Variants in ELP4 observed in about 807,000 individuals in gnomAD.
The protein encoded by ELP4 is elongator acetyltransferase complex subunit 4, also known as elongator complex protein 4.
A neutral mutation model predicts 48.9 loss-of-function variants in ELP4; 51 were observed. That is an observed-to-expected ratio of 1.04 (90% confidence interval 0.83 to 1.32). The LOEUF (loss-of-function observed/expected upper bound fraction) is 1.32, where lower values mean the gene tolerates loss of function less well. Ranked by LOEUF, ELP4 falls within the 40% of genes most tolerant of loss-of-function variation. The pLI, the probability that ELP4 is intolerant of heterozygous loss-of-function variation, is 0.00. For synonymous variants in ELP4, 210 were observed against 189.2 expected (o/e 1.11, Z -0.90); for missense variants, 519 against 514.6 (o/e 1.01, Z -0.08).
chr11:31,774,203 C>A (rs1010674678), intron 9 of ELP4, among the ~76,000 whole-genome samples: 2 of 152,206 alleles, frequency 1.3e-5, no homozygotes, highest in African/African-American at 4.8e-5. Flanking sequence ...ACTTAACATT[C>A]TGGCCTCTCT....
chr11:31,707,330 C>T, intron 9 of ELP4: 1 of 249,886 alleles, frequency 4.0e-6, no homozygotes, highest in Non-Finnish European at 7.5e-6. Context: ...TAGTCAAAGA[C>T]CTCATTTTAC....
At chr11:31,680,853 G>A (rs1946037740) in intron 9 of ELP4, among the ~76,000 whole-genome samples, 1 of 152,136 alleles carries the variant, frequency 6.6e-6, no homozygotes, top group Non-Finnish European at 1.5e-5. Flanking sequence ...AAGCGATCAT[G>A]TTGAAATAAA....
intron 9 of ELP4, among the ~76,000 whole-genome samples, chr11:31,717,222 A>G (rs1946859818): frequency 6.6e-6 from 1 of 152,180 alleles, no homozygotes; most frequent in South Asian, 2.1e-4. Flanking sequence ...AAAGAAATGT[A>G]CATGTTTATT....
At chr11:31,642,479 C>T (rs1412210526) in intron 7 of ELP4, among the ~76,000 whole-genome samples, 2 of 151,708 alleles carry the variant, frequency 1.3e-5, no homozygotes, top group Non-Finnish European at 2.9e-5. Context: ...TTTTCACCAT[C>T]AAGGTTAGGA....
intron 9 of ELP4, chr11:31,652,956 G>T (rs1278663970): frequency 6.6e-6 from 1 of 151,508 alleles, no homozygotes; most frequent in Non-Finnish European, 1.5e-5. Context: ...CCCTTTATGT[G>T]TATGAAAACT....
At chr11:31,515,869 G>C (rs1956102334) in intron 1 of ELP4, among the ~76,000 whole-genome samples, 1 of 152,192 alleles carries the variant, frequency 6.6e-6, no homozygotes, top group African/African-American at 2.4e-5. Flanking sequence ...CCAGCACATT[G>C]GGAGGCCGAG....
intron 4 of ELP4, among the ~76,000 whole-genome samples, chr11:31,597,426 G>C (rs974718159): frequency 2.0e-5 from 3 of 152,270 alleles, no homozygotes; most frequent in Admixed American, 1.3e-4. Flanking sequence ...AAAAATATGA[G>C]TTAAGTGATA....
chr11:31,556,577 T>G (rs1956933212), intron 3 of ELP4, among the ~76,000 whole-genome samples: 1 of 151,852 alleles, frequency 6.6e-6, no homozygotes, highest in African/African-American at 2.4e-5. Context: ...TAAAAGGATT[T>G]TCAGAAGTAA....
rs1451770499 is a variant in ELP4 at position 31,785,365 on chromosome 11, G to C, written c.*1841G>C. On this transcript the variant is annotated 3_prime_UTR_variant, in exon 10 of 10. Transcript: ENST00000640961. ...TTGACTTGCTGAAAAAGAGATACGA[G>C]GTCATCAGATATGTAAATTGCTTGT... 2.7e-5 allele frequency: 5 copies of C among 184,938 alleles called. No individual in the cohort carries two copies. The East Asian group carries it at 3.5e-4, about 13-fold the overall frequency. The allele number at this position is 184,938 out of a possible 1,614,324, so 11.5% of individuals were successfully genotyped here.
chr11:31,614,759 C>G (rs984980951), intron 5 of ELP4, among the ~76,000 whole-genome samples: 3 of 152,098 alleles, frequency 2.0e-5, no homozygotes, highest in African/African-American at 7.2e-5. Context: ...CAAATGTAAT[C>G]ACGAAGAAGC....
At chr11:31,523,393 T>G (rs1189962482) in intron 2 of ELP4, among the ~76,000 whole-genome samples, 5 of 152,178 alleles carry the variant, frequency 3.3e-5, no homozygotes, top group Non-Finnish European at 5.9e-5. Context: ...TAATAACATT[T>G]TACTATAGAT....
chr11:31,547,861 T>C (rs1956763153), intron 3 of ELP4, among the ~76,000 whole-genome samples: 1 of 152,138 alleles, frequency 6.6e-6, no homozygotes. Flanking sequence ...TAATCCAGCA[T>C]ATAAACAGAA....
In ELP4 at chr11:31,598,685, T is replaced by G. The variant is rs12282722; in HGVS notation, c.513+3784T>G. On this transcript the variant is annotated intron_variant, in intron 4 of 9. Transcript: ENST00000640961. The stretch of plus-strand genomic sequence containing the variant: ...AGCACCCAGCTTATTGTTTAATATT[T>G]TTGTAGAGATAGGGTCTCACTATGT... 1.2e-3 allele frequency among the ~76,000 whole-genome samples: 180 copies of G among 151,876 alleles called. 3 individuals are homozygous for G. The highest frequency in any genetic ancestry group is 4.2e-3 in the African/African-American group (175 of 41,424).
At position 31,783,564 on chromosome 11, in the gene ELP4, C is replaced by T. The variant is rs770782818; in HGVS notation, c.*40C>T. 1.0e-5 allele frequency: 16 copies of T among 1,584,502 alleles called. No homozygotes were observed. Among genetic ancestry groups the T allele is most frequent in the East Asian group, 2.3e-5 (1 of 44,436 alleles). On this transcript the variant is annotated 3_prime_UTR_variant, in exon 10 of 10. Transcript: ENST00000640961. ...TCGCTGCATGCAGAATTCTATGACA[C>T]TCTAATTATGATTGCTAATAGCTTA...
rs115043434 is a variant in ELP4 at position 31,602,076 on chromosome 11, A to G, written c.514-1692A>G. Among the ~76,000 whole-genome samples, 1,009 of 152,048 alleles carry G rather than the reference A, an allele frequency of 6.6e-3. 11 individuals carry two copies. Among genetic ancestry groups the G allele is most frequent in the African/African-American group, 0.023 (974 of 41,500 alleles). ...TTTTTCTTTTTTGCTGTCTTTACTA[A>G]ATTCTATTGGGCCTGAGGGGGATTT... On this transcript the variant is annotated intron_variant, in intron 4 of 9. Coordinates refer to ENST00000640961, the MANE Select transcript of ELP4 (RefSeq NM_019040.5).
At position 31,764,996 on chromosome 11, in the gene ELP4, C is replaced by T. The variant is rs1948013200; in HGVS notation, c.1144-18397C>T. Among the ~76,000 whole-genome samples, 4 of 152,290 alleles carry T rather than the reference C, an allele frequency of 2.6e-5. No individual in the cohort carries two copies. The South Asian group carries it at 8.3e-4, about 32-fold the overall frequency. On this transcript the variant is annotated intron_variant, in intron 9 of 9. Coordinates refer to ENST00000640961, the MANE Select transcript of ELP4 (RefSeq NM_019040.5). ...GGCTGCTTGGCCTCCTGATGGGAGA[C>T]TCATATAACCGTAATCCCCCTGACG... is the stretch of plus-strand genomic sequence containing the variant.
intron 5 of ELP4, among the ~76,000 whole-genome samples, chr11:31,611,484 A>G (rs534878693): frequency 3.3e-5 from 5 of 152,124 alleles, no homozygotes; most frequent in Admixed American, 1.3e-4. Context: ...TCTGATCGCT[A>G]TCTCTCTCTC....
At chr11:31,643,891 G>C (rs2134064076) in intron 7 of ELP4, among the ~76,000 whole-genome samples, 1 of 151,764 alleles carries the variant, frequency 6.6e-6, no homozygotes, top group East Asian at 1.9e-4. Context: ...GATTTGCTTT[G>C]CTTATTTGCA....
rs771888940 is a variant in ELP4 at position 31,647,732 on chromosome 11, G to A, written c.928-9G>A. ...TTTAACGTTACTGTTTTGTTTCCATGTTTTGCAGAATAAAGCCATTATTGC... is the reference window on the plus strand; with the variant it reads ...TTTAACGTTACTGTTTTGTTTCCATATTTTGCAGAATAAAGCCATTATTGC... On this transcript the variant is annotated splice_polypyrimidine_tract_variant and intron_variant, in intron 7 of 9. Coordinates refer to ENST00000640961, the MANE Select transcript of ELP4 (RefSeq NM_019040.5). 5.8e-6 allele frequency: 9 copies of A among 1,546,888 alleles called. No individual in the cohort carries two copies. The South Asian group carries it at 1.0e-4, about 17-fold the overall frequency.
Sources: gnomAD v4.1 joint callset for allele counts (sites outside exome capture counted in the v4.1 genomes callset) on GRCh38, gnomAD v4.1.1 for gene constraint, MANE v1.5 for transcripts, NCBI Gene and HGNC (gene_info 2026-07-23, HGNC 2026-07-21) for gene names.